The following GFRAL variants were observed in gnomAD, a reference collection of about 807,000 sequenced individuals.
GFRAL encodes GDNF family receptor alpha-like.
GFRAL carries 36 observed loss-of-function variants against 45.4 expected under a neutral mutation model. The observed-to-expected ratio is 0.79, with a 90% CI of 0.61 to 1.05. The LOEUF is 1.05. GFRAL is among the 50% of genes least tolerant of loss of function. GFRAL has a pLI of 0.00. For missense variants in GFRAL, 507 were observed against 467.5 expected (o/e 1.08, Z -0.78); for synonymous variants, 166 against 154.1 (o/e 1.08, Z -0.57).
At chr6:55,374,980 A>G (rs1289267265) in intron 6 of GFRAL, among the ~76,000 whole-genome samples, 1 of 152,036 alleles carries the variant, frequency 6.6e-6, no homozygotes, top group Non-Finnish European at 1.5e-5. Flanking sequence ...CTGTGTATCT[A>G]TGTGTATGTT....
rs116710527 is a variant in GFRAL at position 55,394,089 on chromosome 6, T to C, written c.953-5091T>C. 1.0e-2 allele frequency among the ~76,000 whole-genome samples: 1,515 copies of C among 152,132 alleles called. 19 individuals carry two copies. Among genetic ancestry groups the C allele is most frequent in the Non-Finnish European group, 0.012 (797 of 67,966 alleles). On this transcript the variant is annotated intron_variant, in intron 6 of 8. Coordinates refer to ENST00000340465, the MANE Select transcript of GFRAL (RefSeq NM_207410.2). ...TATACGATTGAAAGAAGGGAAAAAA[T>C]CTAGGATAATTTCCAGATTACCTGA...
At chr6:55,355,849 C>T (rs145644821) in intron 5 of GFRAL, among the ~76,000 whole-genome samples, 162 of 152,006 alleles carry the variant, frequency 1.1e-3, no homozygotes, top group African/African-American at 3.7e-3. Flanking sequence ...ATGATACTAG[C>T]TATTGGTCTG....
chr6:55,392,696 G>A (rs1245693256), intron 6 of GFRAL, among the ~76,000 whole-genome samples: 1 of 152,008 alleles, frequency 6.6e-6, no homozygotes, highest in Non-Finnish European at 1.5e-5. Context: ...GACAAATAGA[G>A]GGGAACAACA....
intron 3 of GFRAL, among the ~76,000 whole-genome samples, chr6:55,348,528 A>G (rs1562052136): frequency 1.3e-5 from 2 of 152,076 alleles, no homozygotes; most frequent in Non-Finnish European, 2.9e-5. Flanking sequence ...AAAATCTCAG[A>G]TAAAGGTCCC....
intron 6 of GFRAL, among the ~76,000 whole-genome samples, chr6:55,374,905 C>A (rs1260480306): frequency 6.6e-6 from 1 of 152,000 alleles, no homozygotes; most frequent in Non-Finnish European, 1.5e-5. Flanking sequence ...CTTGTTTTTG[C>A]TAGGTTTGTC....
At chr6:55,395,175 A>AAAAAAAATATATATATAT in intron 6 of GFRAL, among the ~76,000 whole-genome samples, 15 of 123,482 alleles carry the variant, frequency 1.2e-4, no homozygotes, top group African/African-American at 4.5e-4. Flanking sequence ...AAAAAAAAAA[A>AAAAAAAATATATATATAT]ATATATATAT....
At chr6:55,384,656 G>T (rs1768656341) in intron 6 of GFRAL, among the ~76,000 whole-genome samples, 1 of 152,060 alleles carries the variant, frequency 6.6e-6, no homozygotes, top group Admixed American at 6.6e-5. Flanking sequence ...ACAGATGTGT[G>T]TCAGGGAGAG....
intron 6 of GFRAL, among the ~76,000 whole-genome samples, chr6:55,369,109 G>C (rs1446614066): frequency 1.3e-5 from 2 of 151,366 alleles, no homozygotes; most frequent in African/African-American, 4.9e-5. Context: ...GTGGGCGTAG[G>C]ACCCTCCGAG....
rs1768838167 is a variant in GFRAL at position 55,397,249 on chromosome 6, T to A, written c.953-1931T>A. ...TTAAAAAAATGCCGGCCGGGCGCGGTGGCTCACGCCTGTAATCCCAGCACT... is the reference window on the plus strand; with the variant it reads ...TTAAAAAAATGCCGGCCGGGCGCGGAGGCTCACGCCTGTAATCCCAGCACT... On this transcript the variant is annotated intron_variant, in intron 6 of 8. Transcript: ENST00000340465. 2.9e-5 allele frequency among the ~76,000 whole-genome samples: 4 copies of A among 139,454 alleles called. 1 individual carries two copies. Among genetic ancestry groups the A allele is most frequent in the African/African-American group, 1.1e-4 (4 of 35,650 alleles). 91.5% of individuals were successfully genotyped at this position (139,454 alleles called of 152,430 possible).
At chr6:55,376,375 G>A (rs547332168) in intron 6 of GFRAL, among the ~76,000 whole-genome samples, 2 of 152,198 alleles carry the variant, frequency 1.3e-5, no homozygotes, top group South Asian at 4.1e-4. Flanking sequence ...TGTGCTCATA[G>A]AGTAAGTTAG....
chr6:55,374,321 C>G (rs1768495735), intron 6 of GFRAL, among the ~76,000 whole-genome samples: 2 of 152,044 alleles, frequency 1.3e-5, no homozygotes, highest in African/African-American at 4.8e-5. Context: ...TGAGGAATTG[C>G]CACACTGTCT....
intron 3 of GFRAL, among the ~76,000 whole-genome samples, chr6:55,348,417 A>G (rs1342262347): frequency 6.6e-6 from 1 of 152,150 alleles, no homozygotes; most frequent in East Asian, 1.9e-4. Flanking sequence ...AAGTACTCAT[A>G]TAGTAAGTAA....
chr6:55,343,580 G>T (rs1385421606), intron 3 of GFRAL, among the ~76,000 whole-genome samples: 1 of 152,180 alleles, frequency 6.6e-6, no homozygotes, highest in Non-Finnish European at 1.5e-5. Context: ...AAGCAGGAAA[G>T]ATCTAAAATT....
intron 5 of GFRAL, among the ~76,000 whole-genome samples, chr6:55,352,222 C>G (rs2127355549): frequency 6.6e-6 from 1 of 152,192 alleles, no homozygotes; most frequent in South Asian, 2.1e-4. Flanking sequence ...CAGGCTCAAG[C>G]CACTCCACAA....
rs149683814 is a variant in GFRAL, at chr6:55,390,191, T to C, written c.953-8989T>C. The stretch of plus-strand genomic sequence containing the variant: ...TTTCACCTGCAAGTCTATTGACAGG[T>C]AAGTGAGAGAAGAGAAAAGAAAAAG... On this transcript the variant is annotated intron_variant, in intron 6 of 8. Coordinates refer to ENST00000340465, the MANE Select transcript of GFRAL (RefSeq NM_207410.2). Among the ~76,000 whole-genome samples, 37 of 152,290 alleles carry C rather than the reference T, an allele frequency of 2.4e-4. No individual in the cohort carries two copies. The Middle Eastern group carries it at 0.014, about 56-fold the overall frequency.
At chr6:55,373,293 C>T (rs6937676) in intron 6 of GFRAL, among the ~76,000 whole-genome samples, 17,034 of 151,942 alleles carry the variant, frequency 0.11, 1,050 homozygotes, top group African/African-American at 0.16. Flanking sequence ...TATTTTTCCA[C>T]GGCCATATCT....
At chr6:55,360,051 T>C (rs898442617) in intron 6 of GFRAL, among the ~76,000 whole-genome samples, 2 of 152,048 alleles carry the variant, frequency 1.3e-5, no homozygotes, top group African/African-American at 4.8e-5. Context: ...GAAGTTATTG[T>C]TTAATTTAGG....
chr6:55,359,248 AT>A, intron 6 of GFRAL, 110 bp downstream of exon 6: 1 of 861,650 alleles, frequency 1.2e-6, no homozygotes, highest in South Asian at 2.0e-5. Context: ...CAGCACAGAC[AT>A]TTTTGTGTTT....
chr6:55,388,040 T>C (rs1336927915), intron 6 of GFRAL, among the ~76,000 whole-genome samples: 1 of 152,162 alleles, frequency 6.6e-6, no homozygotes, highest in African/African-American at 2.4e-5. Flanking sequence ...TGACAGACAC[T>C]GCTCCCCACT....
Sources: allele counts gnomAD v4.1 joint callset (sites outside exome capture counted in the v4.1 genomes callset), GRCh38; gene constraint gnomAD v4.1.1; transcripts MANE v1.5; gene names NCBI Gene and HGNC (gene_info 2026-07-23, HGNC 2026-07-21).